ERGIC1: variants seen among roughly 807,000 people sequenced by gnomAD.
ERGIC1 encodes endoplasmic reticulum-golgi intermediate compartment 1.
In ERGIC1, 19 loss-of-function variants were observed where a neutral mutation model predicts 38.3. The ratio of observed to expected loss-of-function variants is 0.50; its 90% CI spans 0.35 to 0.73. ERGIC1 has a LOEUF of 0.73. ERGIC1 is among the 30% of genes least tolerant of loss of function. The pLI is 0.01. For synonymous variants in ERGIC1, 124 were observed against 157.6 expected, an observed-to-expected ratio of 0.79 and a Z score of 1.60; for missense variants, 294 against 389.2, an observed-to-expected ratio of 0.76 and a Z score of 2.06.
intron 2 of ERGIC1, among the ~76,000 whole-genome samples, chr5:172,893,991 G>T (rs945620217): frequency 2.3e-5 from 3 of 127,950 alleles, no homozygotes; most frequent in Non-Finnish European, 5.2e-5. Context: ...AACTGTAACA[G>T]GGAATCGGGG....
intron 5 of ERGIC1, chr5:172,916,019 TC>T (rs1267719785): frequency 5.2e-6 from 1 of 193,296 alleles, no homozygotes; most frequent in East Asian, 1.6e-4. Flanking sequence ...CTACACTGGG[TC>T]CGTGTTCCCG....
At chr5:172,882,757 A>C (rs1316087734) in intron 1 of ERGIC1, among the ~76,000 whole-genome samples, 8 of 152,130 alleles carry the variant, frequency 5.3e-5, no homozygotes. Flanking sequence ...GAGCGTCATC[A>C]TCGCCCAGCC....
intron 1 of ERGIC1, among the ~76,000 whole-genome samples, chr5:172,878,142 G>A (rs13185874): frequency 0.21 from 31,653 of 152,190 alleles, 3,682 homozygotes; most frequent in East Asian, 0.31. Context: ...TCACATGTGG[G>A]GATGATTGGG....
At chr5:172,907,653 C>T (rs1045426037) in intron 3 of ERGIC1, among the ~76,000 whole-genome samples, 5 of 152,180 alleles carry the variant, frequency 3.3e-5, no homozygotes, top group African/African-American at 4.8e-5. Context: ...CCTCCCCAAC[C>T]TCCAGGCCTT....
intron 1 of ERGIC1, among the ~76,000 whole-genome samples, chr5:172,862,609 A>G (rs979766827): frequency 6.6e-6 from 1 of 152,134 alleles, no homozygotes; most frequent in Non-Finnish European, 1.5e-5. Flanking sequence ...CTCAGCAGGG[A>G]ATGTGTCCTT....
intron 1 of ERGIC1, among the ~76,000 whole-genome samples, chr5:172,839,911 T>G (rs777308359): frequency 2.6e-5 from 4 of 152,214 alleles, no homozygotes; most frequent in Non-Finnish European, 5.9e-5. Context: ...CACTGTGTCC[T>G]GTAGGCTCAT....
Position 172,926,425 on chromosome 5 carries a change from G to A in ERGIC1, c.481-84G>A. On this transcript the variant is annotated intron_variant, in intron 6 of 9. Transcript: ENST00000393784. This position sits in a 1 kb window ranked among gnomAD's most constrained non-coding sequence, Gnocchi z 5.2. Reference sequence around the variant, plus strand: ...ATTGGTAGGGTTCCTAGACCAGGTGGTACCTGGCCATCCCCCACAACCAGG... The same window carrying A: ...ATTGGTAGGGTTCCTAGACCAGGTGATACCTGGCCATCCCCCACAACCAGG... 2 of 1,470,744 alleles carry A rather than the reference G, an allele frequency of 1.4e-6. No homozygotes were observed. The highest frequency in any genetic ancestry group is 1.1e-5 in the South Asian group (1 of 88,216). The allele number at this position is 1,470,744 out of a possible 1,614,324, so 91.1% of individuals were successfully genotyped here.
At chr5:172,915,810 TCTC>T (rs544157070) in intron 5 of ERGIC1, 2 of 369,188 alleles carry the variant, frequency 5.4e-6, no homozygotes, top group African/African-American at 2.1e-5. Flanking sequence ...ACTCCTGGCT[TCTC>T]CTTGTCCCTC....
chr5:172,885,649 A>C (rs2113245689), intron 1 of ERGIC1, among the ~76,000 whole-genome samples: 1 of 152,226 alleles, frequency 6.6e-6, no homozygotes, highest in South Asian at 2.1e-4. Context: ...GATTTTCTGA[A>C]GGTCTAACAC....
chr5:172,915,114 C>T, intron 5 of ERGIC1: 1 of 695,728 alleles, frequency 1.4e-6, no homozygotes, highest in Non-Finnish European at 2.6e-6. Flanking sequence ...GGATTTGCAG[C>T]CCCCAGCCCT....
Position 172,834,366 on chromosome 5 carries a change from G to A in ERGIC1, c.-48G>A. The A allele has an allele frequency of 7.9e-7, 1 of 1,264,392 alleles. No homozygotes were observed. The highest frequency in any genetic ancestry group is 9.9e-7 in the Non-Finnish European group (1 of 1,005,120). The allele number at this position is 1,264,392 out of a possible 1,614,324, so 78.3% of individuals were successfully genotyped here. A position where few individuals can be genotyped will look rare whatever the true frequency, so the allele number is the denominator to read the frequency against. Reference sequence around the variant, plus strand: ...GGCAGCGGGCTCGGACCCACGCGGCGCCGCGGCCCGCCTGGCCTGCAGCGC... The same window carrying A: ...GGCAGCGGGCTCGGACCCACGCGGCACCGCGGCCCGCCTGGCCTGCAGCGC... On this transcript the variant is annotated 5_prime_UTR_variant, in exon 1 of 10. Transcript: ENST00000393784. This position sits in a 1 kb window ranked among gnomAD's most constrained non-coding sequence, Gnocchi z 4.1.
At chr5:172,875,084 T>C (rs1326429544) in intron 1 of ERGIC1, among the ~76,000 whole-genome samples, 3 of 152,196 alleles carry the variant, frequency 2.0e-5, no homozygotes, top group Non-Finnish European at 4.4e-5. Flanking sequence ...TCTCCAGCTG[T>C]TGAGTGGCAG....
chr5:172,942,270 A>G (rs1764027396), intron 9 of ERGIC1, among the ~76,000 whole-genome samples: 1 of 152,186 alleles, frequency 6.6e-6, no homozygotes, highest in Admixed American at 6.5e-5. Context: ...TCTACCCACT[A>G]AGATGATGTG....
At chr5:172,835,364 C>T (rs1005698899) in intron 1 of ERGIC1, among the ~76,000 whole-genome samples, 3 of 152,192 alleles carry the variant, frequency 2.0e-5, no homozygotes, top group Non-Finnish European at 2.9e-5. Context: ...AACTCCCTGT[C>T]GCCGCTCGGC....
At chr5:172,924,799 T>C (rs1317226074) in intron 6 of ERGIC1, among the ~76,000 whole-genome samples, 1 of 152,164 alleles carries the variant, frequency 6.6e-6, no homozygotes, top group Admixed American at 6.5e-5. Flanking sequence ...GGCCCATCCA[T>C]CCATTCATTT....
chr5:172,871,778 G>A (rs1762016320), intron 1 of ERGIC1, among the ~76,000 whole-genome samples: 1 of 152,236 alleles, frequency 6.6e-6, no homozygotes, highest in Admixed American at 6.5e-5. Context: ...GTGAGAAGGA[G>A]GGGCAGATAA....
At chr5:172,922,781 G>A (rs372404123) in intron 5 of ERGIC1, among the ~76,000 whole-genome samples, 7 of 152,242 alleles carry the variant, frequency 4.6e-5, no homozygotes, top group African/African-American at 1.7e-4. Context: ...TAGAAGCCGT[G>A]GAGGGTTCTG....
intron 1 of ERGIC1, among the ~76,000 whole-genome samples, chr5:172,865,117 C>T (rs1233708140): frequency 2.2e-5 from 3 of 139,370 alleles, no homozygotes; most frequent in South Asian, 2.2e-4. Context: ...TGCAATGGCA[C>T]GATCTCGGCT....
At chr5:172,835,442 G>A (rs954619171) in intron 1 of ERGIC1, among the ~76,000 whole-genome samples, 5 of 151,756 alleles carry the variant, frequency 3.3e-5, no homozygotes, top group African/African-American at 1.2e-4. Flanking sequence ...TAAAAATAAG[G>A]TCTCCGCTTG....
Sources: gnomAD v4.1 joint callset for allele counts (sites outside exome capture counted in the v4.1 genomes callset) on GRCh38, gnomAD v4.1.1 for gene constraint, Gnocchi (gnomAD v3.1) non-coding constraint, MANE v1.5 for transcripts, NCBI Gene and HGNC (gene_info 2026-07-23, HGNC 2026-07-21) for gene names.